The following CTSH variants were observed in gnomAD, a reference collection of about 807,000 sequenced individuals.
CTSH encodes cathepsin H.
CTSH carries 52 observed loss-of-function variants against 56.3 expected under a neutral mutation model. The observed-to-expected ratio is 0.92, with a 90% confidence interval of 0.74 to 1.16. CTSH has a LOEUF of 1.16. Ranked by LOEUF, CTSH falls within the 50% of genes most tolerant of loss-of-function variation. CTSH has a pLI of 0.00. For synonymous variants in CTSH, 174 were observed against 155.7 expected (o/e 1.12, Z -0.88); for missense variants, 406 against 424.5 (o/e 0.96, Z 0.38).
In CTSH at chr15:78,923,216, T is replaced by C; in HGVS notation, c.807-98A>G. 7 of 1,365,354 alleles carry C rather than the reference T, an allele frequency of 5.1e-6. No homozygotes were observed. The South Asian group carries it at 8.6e-5, about 17-fold the overall frequency. 84.6% of individuals were successfully genotyped at this position (1,365,354 alleles called of 1,614,324 possible). ...CCTCTTTGAGCGCTTTAGAGCAATG[T>C]TCCCCACAGCGGACCAGGGAGGCAT... is the stretch of plus-strand genomic sequence containing the variant. On this transcript the variant is annotated intron_variant, in intron 10 of 11. Transcript: ENST00000220166.
In CTSH at chr15:78,921,326, GAT is replaced by G. The variant is rs1479654365; in HGVS notation, c.*802_*803del. 6.6e-6 allele frequency: 1 copy of G among 152,178 alleles called. No individual in the cohort carries two copies. The highest frequency in any genetic ancestry group is 1.9e-4 in the East Asian group (1 of 5,172). 9.4% of individuals were successfully genotyped at this position (152,178 alleles called of 1,614,324 possible). A position where few individuals can be genotyped will look rare whatever the true frequency, so the allele number is the denominator to read the frequency against. On this transcript the variant is annotated 3_prime_UTR_variant, in exon 12 of 12. Transcript: ENST00000220166. The stretch of plus-strand genomic sequence containing the variant: ...GAGATCAAGATTTCTCAAAAGGCAA[GAT>G]AAGGGAAGGGATGGTGTGGAAACGA...
chr15:78,922,969 A>G, intron 11 of CTSH, 24 bp downstream of exon 11: 2 of 1,595,396 alleles, frequency 1.3e-6, no homozygotes, highest in Non-Finnish European at 1.7e-6. Context: ...CCCCTCCCAG[A>G]AGTGGGACCT....
chr15:78,927,699 G>A lies in CTSH; in HGVS notation c.699+14C>T. 1 of 1,613,176 alleles carries A rather than the reference G, an allele frequency of 6.2e-7. No individual in the cohort carries two copies. The highest frequency in any genetic ancestry group is 1.1e-5 in the South Asian group (1 of 91,068). ...AGGACACATTCCCCATCCCAGAGGG[G>A]GATCGGCACTCACGATTGTGATGTT... is the stretch of plus-strand genomic sequence containing the variant. On this transcript the variant is annotated intron_variant, in intron 9 of 11. Coordinates refer to ENST00000220166, the MANE Select transcript of CTSH (RefSeq NM_004390.5).
At chr15:78,930,974 G>A (rs1310243800) in intron 7 of CTSH, among the ~76,000 whole-genome samples, 1 of 152,176 alleles carries the variant, frequency 6.6e-6, no homozygotes, top group Non-Finnish European at 1.5e-5. Context: ...TTTACAGTGG[G>A]CCAGGAAAGC....
At chr15:78,922,243 T>A in intron 11 of CTSH, 38 bp from the exon 12 acceptor site, 1 of 1,517,724 alleles carries the variant, frequency 6.6e-7, no homozygotes, top group Non-Finnish European at 9.0e-7. Context: ...GCCGGCGGTC[T>A]CCCCACCACA....
At chr15:78,941,787 C>G (rs953278335) in intron 1 of CTSH, among the ~76,000 whole-genome samples, 4 of 132,626 alleles carry the variant, frequency 3.0e-5, no homozygotes, top group African/African-American at 5.3e-5. Context: ...CAGAATGAGA[C>G]TCCGTCTCAA....
At chr15:78,930,895 T>C (rs1596278427) in intron 7 of CTSH, among the ~76,000 whole-genome samples, 1 of 152,148 alleles carries the variant, frequency 6.6e-6, no homozygotes, top group Admixed American at 6.5e-5. Flanking sequence ...CACAGAAATG[T>C]CTCAGAGCAC....
rs1275475312 is a variant in CTSH at position 78,925,441 on chromosome 15, C to A, written c.700-1G>T. On this transcript the variant is annotated splice_acceptor_variant, in intron 9 of 11. Coordinates refer to ENST00000220166, the MANE Select transcript of CTSH (RefSeq NM_004390.5). LOFTEE classifies it high-confidence loss of function. ...CCTCCACCATCGCTTCCTCGTCATA[C>A]TGTGGAAACAGGACCGAGACAGAAA... 6 of 1,606,918 alleles carry A rather than the reference C, an allele frequency of 3.7e-6. No individual in the cohort carries two copies. Among genetic ancestry groups the A allele is most frequent in the Non-Finnish European group, 5.1e-6 (6 of 1,173,688 alleles).
chr15:78,931,821 G>A (rs964866549), intron 6 of CTSH: 249 of 1,314,102 alleles, frequency 1.9e-4, no homozygotes, highest in South Asian at 1.5e-3. Flanking sequence ...GTCCCACAGC[G>A]GTGTATAGGA....
intron 1 of CTSH, among the ~76,000 whole-genome samples, chr15:78,940,661 A>G (rs2055269233): frequency 6.6e-6 from 1 of 152,244 alleles, no homozygotes; most frequent in African/African-American, 2.4e-5. Flanking sequence ...ACTTTTCTAT[A>G]AGAGTCAGGT....
chr15:78,944,773 C>G, intron 1 of CTSH, 118 bp downstream of exon 1: 39 of 1,312,486 alleles, frequency 3.0e-5, no homozygotes, highest in Non-Finnish European at 3.8e-5. Context: ...TTCCTGGCCT[C>G]TCACCGGGGA....
intron 8 of CTSH, 89 bp from the exon 9 acceptor site, chr15:78,927,870 A>G: frequency 1.9e-6 from 2 of 1,056,982 alleles, no homozygotes; most frequent in South Asian, 2.6e-5. Context: ...ACTAAACAAA[A>G]CAAGATGTGC....
Position 78,935,766 on chromosome 15 carries a change from A to G in CTSH, c.230-16T>C. 1 of 1,590,768 alleles carries G rather than the reference A, an allele frequency of 6.3e-7. No homozygotes were observed. Among genetic ancestry groups the G allele is most frequent in the Non-Finnish European group, 8.6e-7 (1 of 1,161,884 alleles). On this transcript the variant is annotated splice_polypyrimidine_tract_variant and intron_variant, in intron 3 of 11. Coordinates refer to ENST00000220166, the MANE Select transcript of CTSH (RefSeq NM_004390.5). Reference sequence around the variant, plus strand: ...TTCAGTGCCACTACAAAAGAGAAGGAAAAAACCAAAACAGAAATGGTTAGT... The same window carrying G: ...TTCAGTGCCACTACAAAAGAGAAGGGAAAAACCAAAACAGAAATGGTTAGT...
rs930662248 is a variant in CTSH at position 78,938,334 on chromosome 15, A to C, written c.123+806T>G. Among the ~76,000 whole-genome samples the C allele has an allele frequency of 2.6e-5, 4 of 152,150 alleles. No homozygotes were observed. The East Asian group carries it at 5.8e-4, about 22-fold the overall frequency. On this transcript the variant is annotated intron_variant, in intron 2 of 11. Transcript: ENST00000220166. ...CAGTGAGCCGAGAGTGTGCCACTGCACTTCAGCCTGGGTGACAAAGTGAGA... is the reference window on the plus strand; with the variant it reads ...CAGTGAGCCGAGAGTGTGCCACTGCCCTTCAGCCTGGGTGACAAAGTGAGA...
chr15:78,931,620 C>T, intron 6 of CTSH, 114 bp from the exon 7 acceptor site: 1 of 1,569,850 alleles, frequency 6.4e-7, no homozygotes, highest in Non-Finnish European at 8.6e-7. Flanking sequence ...AGTGCTGTGT[C>T]AAGGTGACCA....
chr15:78,923,738 C>T (rs2141515220), intron 10 of CTSH, among the ~76,000 whole-genome samples: 1 of 152,318 alleles, frequency 6.6e-6, no homozygotes, highest in East Asian at 1.9e-4. Flanking sequence ...CAGTGTCTGG[C>T]AGACTTTAAC....
intron 3 of CTSH, chr15:78,936,997 G>C (rs2055189756): frequency 3.4e-6 from 1 of 292,354 alleles, no homozygotes; most frequent in Admixed American, 4.8e-5. Context: ...CTGAGCCCAT[G>C]AGCAACCCCT....
chr15:78,931,564 G>T, intron 6 of CTSH, 58 bp from the exon 7 acceptor site: 3 of 1,613,392 alleles, frequency 1.9e-6, no homozygotes, highest in South Asian at 2.2e-5. Flanking sequence ...AGGCTTTGGC[G>T]TGAGGCGCTA....
intron 6 of CTSH, chr15:78,931,756 C>T: frequency 1.4e-6 from 2 of 1,413,570 alleles, no homozygotes; most frequent in Non-Finnish European, 1.8e-6. Context: ...GGGGCAAGGG[C>T]TGTTGGGTCC....
Sources: gnomAD v4.1 joint callset for allele counts (sites outside exome capture counted in the v4.1 genomes callset) on GRCh38, gnomAD v4.1.1 for gene constraint, MANE v1.5 for transcripts, NCBI Gene and HGNC (gene_info 2026-07-23, HGNC 2026-07-21) for gene names.